Variants in PREP observed in about 807,000 individuals in gnomAD.
PREP encodes prolyl endopeptidase.
A neutral mutation model predicts 87.6 loss-of-function variants in PREP; 29 were observed. That is an observed-to-expected ratio of 0.33 (90% confidence interval 0.25 to 0.45). The LOEUF (loss-of-function observed/expected upper bound fraction) is 0.45, where lower values mean the gene tolerates loss of function less well. Ranked by LOEUF, PREP falls within the 20% of genes least tolerant of loss-of-function variation. The pLI is 1.00. For synonymous variants in PREP, 337 were observed against 328.6 expected (o/e 1.03, Z -0.28); for missense variants, 695 against 886.5 (o/e 0.78, Z 2.74).
At chr6:105,357,978 C>T (rs1415832311) in intron 6 of PREP, among the ~76,000 whole-genome samples, 2 of 150,730 alleles carry the variant, frequency 1.3e-5, no homozygotes, top group African/African-American at 2.4e-5. Context: ...TCTCCAGAAG[C>T]AATTAATCTG....
chr6:105,282,259 A>C (rs1238150511), intron 13 of PREP, among the ~76,000 whole-genome samples, 192 bp downstream of exon 13: 2 of 152,244 alleles, frequency 1.3e-5, no homozygotes, highest in African/African-American at 4.8e-5. Context: ...TGCCCAAGGC[A>C]AAATAAATAG....
intron 14 of PREP, chr6:105,280,578 G>GTTTAATTGTATTTGAATATATTCCTT (rs1770059515): frequency 1.3e-5 from 2 of 152,036 alleles, no homozygotes; most frequent in African/African-American, 4.8e-5. Flanking sequence ...CATAAAAGAA[G>GTTTAATTGTATTTGAATATATTCCTT]TTTAATTGTA....
intron 7 of PREP, among the ~76,000 whole-genome samples, chr6:105,351,116 T>C (rs900028915): frequency 6.6e-6 from 1 of 152,212 alleles, no homozygotes; most frequent in Admixed American, 6.5e-5. Flanking sequence ...CTAGTATGCC[T>C]CGTTAATCAA....
At chr6:105,323,538 G>A (rs1393868685) in intron 10 of PREP, 127 bp downstream of exon 10, 20 of 848,016 alleles carry the variant, frequency 2.4e-5, no homozygotes, top group Admixed American at 1.4e-4. Flanking sequence ...ACCGTCAACC[G>A]TGGGGGCTAC....
chr6:105,308,929 C>T (rs924190909), intron 10 of PREP, among the ~76,000 whole-genome samples: 3 of 151,822 alleles, frequency 2.0e-5, no homozygotes, highest in Non-Finnish European at 4.4e-5. Context: ...GGATGGAGAG[C>T]GAAGGAGTCT....
rs1440367137 is a variant in PREP, at chr6:105,376,135, C to G, written c.375G>C (p.Val125=). The G allele has an allele frequency of 6.2e-7, 1 of 1,613,450 alleles. No homozygotes were observed. The highest frequency in any genetic ancestry group is 8.5e-7 in the Non-Finnish European group (1 of 1,179,648). Residue 125 remains valine (V), a synonymous_variant, in exon 4 of 15, where the codon GTG becomes GTC. Transcript: ENST00000652536. The stretch of plus-strand genomic sequence containing the variant: ...CTGTGTAGCACTTACCTCGGAGTGC[C>G]ACTGTGCCATCGTCAGACAGTATGT... ...DPNILSDDGT[V]ALRGYAFSED... is the part of the protein sequence containing the mutation.
intron 9 of PREP, among the ~76,000 whole-genome samples, chr6:105,327,401 G>A (rs1771194166): frequency 6.6e-6 from 1 of 152,200 alleles, no homozygotes. Context: ...TCTTGTGGGT[G>A]CTTTTCCTAG....
At chr6:105,357,895 T>C (rs1772141677) in intron 6 of PREP, among the ~76,000 whole-genome samples, 1 of 151,126 alleles carries the variant, frequency 6.6e-6, no homozygotes, top group Non-Finnish European at 1.5e-5. Context: ...ACAGTTTGAA[T>C]TCCGGTTCAA....
intron 6 of PREP, among the ~76,000 whole-genome samples, chr6:105,367,035 CAAT>C (rs1033234514): frequency 2.6e-5 from 4 of 152,084 alleles, no homozygotes; most frequent in African/African-American, 9.7e-5. Context: ...GGTTGTACAA[CAAT>C]GTCAATGAAC....
intron 6 of PREP, among the ~76,000 whole-genome samples, chr6:105,357,194 A>T (rs973376275): frequency 1.3e-5 from 2 of 152,228 alleles, no homozygotes; most frequent in African/African-American, 4.8e-5. Context: ...AAGCAACATC[A>T]TTAATACTAC....
intron 10 of PREP, among the ~76,000 whole-genome samples, chr6:105,308,877 A>AG (rs1438073275): frequency 1.3e-5 from 2 of 152,122 alleles, no homozygotes; most frequent in Non-Finnish European, 2.9e-5. Context: ...AGTGCAATGG[A>AG]GATACGGGTA....
At chr6:105,289,711 T>C (rs567419217) in intron 10 of PREP, among the ~76,000 whole-genome samples, 1 of 152,328 alleles carries the variant, frequency 6.6e-6, no homozygotes, top group Non-Finnish European at 1.5e-5. Context: ...ATGCTTTTTT[T>C]CCCAAAAGGA....
chr6:105,309,978 C>T (rs559177104), intron 10 of PREP, among the ~76,000 whole-genome samples: 82 of 152,252 alleles, frequency 5.4e-4, no homozygotes, highest in South Asian at 4.6e-3. Flanking sequence ...TACCTTCTCC[C>T]GGGTCCTGAA....
At chr6:105,389,391 T>C (rs1263790593) in intron 2 of PREP, among the ~76,000 whole-genome samples, 1 of 152,082 alleles carries the variant, frequency 6.6e-6, no homozygotes. Flanking sequence ...TCTGGTACCA[T>C]CCAGCAAATA....
intron 10 of PREP, among the ~76,000 whole-genome samples, chr6:105,305,038 A>C (rs1433789082): frequency 6.6e-6 from 1 of 152,234 alleles, no homozygotes; most frequent in African/African-American, 2.4e-5. Context: ...TTGCACCTGC[A>C]TAATAAAAAC....
At chr6:105,327,765 A>C (rs942068245) in intron 9 of PREP, among the ~76,000 whole-genome samples, 1 of 152,236 alleles carries the variant, frequency 6.6e-6, no homozygotes, top group East Asian at 1.9e-4. Flanking sequence ...GTGCATAAGG[A>C]AAGTGCAGAC....
intron 7 of PREP, among the ~76,000 whole-genome samples, chr6:105,344,184 T>C (rs978541028): frequency 3.3e-5 from 5 of 152,172 alleles, no homozygotes; most frequent in South Asian, 4.1e-4. Context: ...TGGAACACTA[T>C]GCAGCCATAA....
At chr6:105,348,302 G>A (rs1771851866) in intron 7 of PREP, among the ~76,000 whole-genome samples, 1 of 152,152 alleles carries the variant, frequency 6.6e-6, no homozygotes, top group Non-Finnish European at 1.5e-5. Flanking sequence ...ATGCTCAGAA[G>A]GCAGTAACCG....
At chr6:105,299,547 C>T (rs368505365) in intron 10 of PREP, among the ~76,000 whole-genome samples, 10 of 152,160 alleles carry the variant, frequency 6.6e-5, no homozygotes, top group African/African-American at 2.2e-4. Flanking sequence ...TGCAGTAAGC[C>T]GAGATTGCGT....
Sources: allele counts gnomAD v4.1 joint callset (sites outside exome capture counted in the v4.1 genomes callset), GRCh38; gene constraint gnomAD v4.1.1; transcripts MANE v1.5; gene names NCBI Gene and HGNC (gene_info 2026-07-23, HGNC 2026-07-21).